CDC73: variants seen among roughly 807,000 people sequenced by gnomAD.
CDC73 encodes the protein cell division cycle 73.
CDC73 carries 21 observed loss-of-function variants against 83.7 expected under a neutral mutation model. The observed-to-expected ratio is 0.25, with a 90% confidence interval of 0.18 to 0.36. The LOEUF (loss-of-function observed/expected upper bound fraction) is 0.36. Ranked by LOEUF, CDC73 falls within the 10% of genes least tolerant of loss-of-function variation. The pLI is 1.00. For missense variants in CDC73, 342 were observed against 653.3 expected, an observed-to-expected ratio of 0.52 and a Z score of 5.19; for synonymous variants, 224 against 212.9, an observed-to-expected ratio of 1.05 and a Z score of -0.45.
At chr1:193,231,425 T>C (rs576639641) in intron 13 of CDC73, among the ~76,000 whole-genome samples, 203 of 152,350 alleles carry the variant, frequency 1.3e-3, no homozygotes, top group African/African-American at 4.7e-3. Context: ...ATAAAACTTA[T>C]AGCACAATGT....
In CDC73 at chr1:193,177,358, C is replaced by CAAAAAAAAAAAAAAAAAA. The variant is rs10672869; in HGVS notation, c.972+24919_972+24936dup. Reference sequence around the variant, plus strand: ...TGAAACCCCATCTCTACTAAAAATACAAAAAAAAAAAAAAAAAAAAAATCA... The same window carrying CAAAAAAAAAAAAAAAAAA: ...TGAAACCCCATCTCTACTAAAAATACAAAAAAAAAAAAAAAAAAAAAAAAAAAAAAAAAAAAAAAATCA... On this transcript the variant is annotated intron_variant, in intron 10 of 16. Transcript: ENST00000367435. Among the ~76,000 whole-genome samples, 27 of 69,480 alleles carry CAAAAAAAAAAAAAAAAAA rather than the reference C, an allele frequency of 3.9e-4. 1 individual carries two copies. Among genetic ancestry groups the CAAAAAAAAAAAAAAAAAA allele is most frequent in the Admixed American group, 1.0e-3 (5 of 5,016 alleles). The allele number at this position is 69,480 out of a possible 152,430, so 45.6% of individuals were successfully genotyped here. A position where few individuals can be genotyped will look rare whatever the true frequency, so the allele number is the denominator to read the frequency against.
chr1:193,157,767 G>T (rs2103137739), intron 10 of CDC73, among the ~76,000 whole-genome samples: 1 of 152,272 alleles, frequency 6.6e-6, no homozygotes, highest in African/African-American at 2.4e-5. Context: ...AAGTTAATCA[G>T]TTGGAAATAC....
Position 193,161,658 on chromosome 1 carries a change from AT to A in CDC73, c.972+9216del, listed in dbSNP as rs1187264154. ...TAATATATTATATAATATATAATAT[AT>A]TATATATCTATCATATAATATATAT... On this transcript the variant is annotated intron_variant, in intron 10 of 16. Transcript: ENST00000367435. 9.4e-3 allele frequency among the ~76,000 whole-genome samples: 548 copies of A among 58,152 alleles called. 139 individuals carry two copies. Among genetic ancestry groups the A allele is most frequent in the African/African-American group, 0.044 (538 of 12,162 alleles). The allele number at this position is 58,152 out of a possible 152,430, so 38.1% of individuals were successfully genotyped here.
At chr1:193,209,574 C>G (rs867068437) in intron 11 of CDC73, among the ~76,000 whole-genome samples, 1 of 152,126 alleles carries the variant, frequency 6.6e-6, no homozygotes, top group African/African-American at 2.4e-5. Flanking sequence ...CCCCCTCCCC[C>G]GTTAAGATCA....
chr1:193,212,164 G>A (rs2102038237), intron 12 of CDC73, 64 bp downstream of exon 12: 3 of 1,328,660 alleles, frequency 2.3e-6, no homozygotes, highest in Non-Finnish European at 3.2e-6. Flanking sequence ...AACCAGGCCT[G>A]ATAATTTTCT....
chr1:193,159,908 AT>A (rs142371624), intron 10 of CDC73, among the ~76,000 whole-genome samples: 3,145 of 152,304 alleles, frequency 0.021, 110 homozygotes, highest in African/African-American at 0.071. Flanking sequence ...TGCCAGCATT[AT>A]TAGCATTTTG....
chr1:193,217,897 GAA>G (rs1218980195), intron 13 of CDC73, among the ~76,000 whole-genome samples: 4 of 152,090 alleles, frequency 2.6e-5, no homozygotes, highest in Admixed American at 2.6e-4. Flanking sequence ...ATCAGTACTG[GAA>G]GTACTAGCCA....
chr1:193,185,143 G>T (rs1027740404), intron 10 of CDC73, among the ~76,000 whole-genome samples: 2 of 151,914 alleles, frequency 1.3e-5, no homozygotes, highest in Admixed American at 1.3e-4. Context: ...ACCTTGTATT[G>T]CCATTTGTGG....
At chr1:193,147,767 A>G (rs1322757205) in intron 7 of CDC73, 100 bp from the exon 8 acceptor site, 5 of 745,162 alleles carry the variant, frequency 6.7e-6, no homozygotes, top group Non-Finnish European at 1.2e-5. Flanking sequence ...CATATGTAGT[A>G]GGGAAGAATC....
intron 15 of CDC73, among the ~76,000 whole-genome samples, chr1:193,240,612 T>G (rs1250941708): frequency 2.6e-5 from 4 of 152,232 alleles, no homozygotes; most frequent in Admixed American, 2.0e-4. Context: ...TTAGTGATGT[T>G]GAACATTTTT....
chr1:193,206,203 G>A (rs982598807), intron 11 of CDC73, among the ~76,000 whole-genome samples: 4 of 152,124 alleles, frequency 2.6e-5, no homozygotes, highest in African/African-American at 9.7e-5. Context: ...TGTAAAGTAA[G>A]GGGTTCTAAG....
At position 193,246,441 on chromosome 1, in the gene CDC73, T is replaced by C. The variant is rs1273456466; in HGVS notation, c.1418-3289T>C. Among the ~76,000 whole-genome samples, 5 of 152,090 alleles carry C rather than the reference T, an allele frequency of 3.3e-5. No individual in the cohort carries two copies. In the East Asian group the frequency reaches 9.6e-4, roughly 29 times the overall value. On this transcript the variant is annotated intron_variant, in intron 15 of 16. Transcript: ENST00000367435. Reference sequence around the variant, plus strand: ...CTTATATTTAGAAAAACCTGAAGACTTTACCAAAAATACTCTTAGAACTGG... The same window carrying C: ...CTTATATTTAGAAAAACCTGAAGACCTTACCAAAAATACTCTTAGAACTGG...
intron 11 of CDC73, among the ~76,000 whole-genome samples, chr1:193,207,033 C>G (rs1677199346): frequency 6.6e-6 from 1 of 152,106 alleles, no homozygotes; most frequent in Admixed American, 6.5e-5. Context: ...TAAATAGGTT[C>G]TTTTTATTTT....
chr1:193,149,524 T>C (rs1676068217), intron 8 of CDC73, among the ~76,000 whole-genome samples: 1 of 152,224 alleles, frequency 6.6e-6, no homozygotes, highest in African/African-American at 2.4e-5. Context: ...CTGATTATTC[T>C]TTCTGTATAT....
chr1:193,200,078 A>C (rs575905383), intron 10 of CDC73, among the ~76,000 whole-genome samples: 21 of 145,332 alleles, frequency 1.4e-4, no homozygotes, highest in South Asian at 2.2e-4. Context: ...AAAAAAAAAA[A>C]CAAAAAACAA....
chr1:193,194,107 G>T (rs1676963048), intron 10 of CDC73, among the ~76,000 whole-genome samples: 1 of 151,934 alleles, frequency 6.6e-6, no homozygotes, highest in African/African-American at 2.4e-5. Flanking sequence ...AAATTTATAT[G>T]GTATACCATT....
chr1:193,228,660 CACAA>C (rs1677604645), intron 13 of CDC73, among the ~76,000 whole-genome samples: 1 of 152,228 alleles, frequency 6.6e-6, no homozygotes, highest in Admixed American at 6.5e-5. Context: ...TAACACCATA[CACAA>C]ACATTTTTTA....
intron 10 of CDC73, among the ~76,000 whole-genome samples, chr1:193,177,844 A>G (rs1265588390): frequency 2.0e-5 from 3 of 152,200 alleles, no homozygotes; most frequent in African/African-American, 4.8e-5. Flanking sequence ...AGAAATCTCA[A>G]TTATTTGGTT....
At chr1:193,169,552 A>T (rs1676486633) in intron 10 of CDC73, among the ~76,000 whole-genome samples, 1 of 152,210 alleles carries the variant, frequency 6.6e-6, no homozygotes, top group Admixed American at 6.5e-5. Flanking sequence ...CTCAAAAAAA[A>T]ATAAAAAATA....
Sources: gnomAD v4.1 joint callset for allele counts (sites outside exome capture counted in the v4.1 genomes callset) on GRCh38, gnomAD v4.1.1 for gene constraint, MANE v1.5 for transcripts, NCBI Gene and HGNC (gene_info 2026-07-23, HGNC 2026-07-21) for gene names.